The following LNX1 variants were observed in gnomAD, a reference collection of about 807,000 sequenced individuals.
LNX1 encodes ligand of numb-protein X 1, also known as E3 ubiquitin-protein ligase LNX.
A neutral mutation model predicts 68.4 loss-of-function variants in LNX1; 54 were observed. The observed-to-expected ratio is 0.79, with a 90% CI of 0.63 to 0.99. LNX1 has a LOEUF of 0.99. LNX1 is among the 50% of genes least tolerant of loss of function. The pLI is 0.00. For missense variants in LNX1, 906 were observed against 926.4 expected (o/e 0.98, Z 0.29); for synonymous variants, 336 against 350.0 (o/e 0.96, Z 0.45).
intron 4 of LNX1, among the ~76,000 whole-genome samples, chr4:53,502,539 T>G (rs1053101739): frequency 6.6e-6 from 1 of 152,228 alleles, no homozygotes; most frequent in Non-Finnish European, 1.5e-5. Context: ...CTTGCCTTGA[T>G]GTTGATGGCT....
At chr4:53,554,913 A>C (rs937301546) in intron 2 of LNX1, among the ~76,000 whole-genome samples, 19 of 152,060 alleles carry the variant, frequency 1.2e-4, no homozygotes, top group Admixed American at 9.8e-4. Context: ...AACCTGGGCC[A>C]CATGCCAAAT....
chr4:53,591,720 G>A, upstream of LNX1: 1 of 299,152 alleles, frequency 3.3e-6, no homozygotes, highest in South Asian at 1.3e-4. Context: ...TTTGCCAGGT[G>A]GAATTTACTT....
In LNX1 at chr4:53,609,772, T is replaced by TATATAATATACTATTATATATA. The variant is rs1560692907; in HGVS notation, c.-215+6744_-215+6745insTATATATAATAGTATATTATAT. ...TTATATATAATATACTATTATATATTATATATAATATATTATTTAAATATA... is the reference window on the plus strand; with the variant it reads ...TTATATATAATATACTATTATATATTATATAATATACTATTATATATAATATATAATATATTATTTAAATATA... On this transcript the variant is annotated intron_variant, in intron 2 of 3. Transcript: ENST00000504299. Among the ~76,000 whole-genome samples, 252 of 141,864 alleles carry TATATAATATACTATTATATATA rather than the reference T, an allele frequency of 1.8e-3. 2 individuals carry two copies. Among genetic ancestry groups the TATATAATATACTATTATATATA allele is most frequent in the Admixed American group, 0.011 (154 of 13,722 alleles). The allele number at this position is 141,864 out of a possible 152,430, so 93.1% of individuals were successfully genotyped here.
At chr4:53,599,163 C>T (rs1732884760) in intron 2 of LNX1, among the ~76,000 whole-genome samples, 1 of 152,112 alleles carries the variant, frequency 6.6e-6, no homozygotes, top group Non-Finnish European at 1.5e-5. Flanking sequence ...AAGGCTGAGA[C>T]CTATTGGGCT....
intron 1 of LNX1, among the ~76,000 whole-genome samples, chr4:53,649,472 T>C (rs1029873972): frequency 1.3e-5 from 2 of 152,198 alleles, no homozygotes; most frequent in Non-Finnish European, 2.9e-5. Context: ...ACTCCGGAAG[T>C]CTGGCTCCAG....
chr4:53,625,987 A>G (rs1467613333), intron 1 of LNX1, among the ~76,000 whole-genome samples: 2 of 152,172 alleles, frequency 1.3e-5, no homozygotes, highest in Non-Finnish European at 2.9e-5. Flanking sequence ...GAAATAGCCC[A>G]AATTTCCACC....
intron 2 of LNX1, among the ~76,000 whole-genome samples, chr4:53,539,688 G>T (rs1193048782): frequency 1.3e-5 from 2 of 152,216 alleles, no homozygotes; most frequent in Non-Finnish European, 2.9e-5. Flanking sequence ...TTTAATGCCT[G>T]CTCTGATCTT....
At chr4:53,529,142 T>C (rs7682908) in intron 2 of LNX1, among the ~76,000 whole-genome samples, 369 of 63,370 alleles carry the variant, frequency 5.8e-3, no homozygotes, top group Non-Finnish European at 0.012. Context: ...CACAAACACA[T>C]GCACACACAG....
chr4:53,536,750 C>T (rs545084196), intron 2 of LNX1, among the ~76,000 whole-genome samples: 2 of 152,274 alleles, frequency 1.3e-5, no homozygotes, highest in East Asian at 3.9e-4. Flanking sequence ...CAAACCACTC[C>T]TTTGTTTTTC....
At chr4:53,558,232 G>C (rs556348289) in intron 2 of LNX1, 249 of 1,248,812 alleles carry the variant, frequency 2.0e-4, no homozygotes, top group Middle Eastern at 9.9e-4. Context: ...CAGGCAAGCT[G>C]ATGCCCAGGA....
intron 2 of LNX1, among the ~76,000 whole-genome samples, chr4:53,509,649 T>G (rs888085012): frequency 1.3e-5 from 2 of 152,198 alleles, no homozygotes; most frequent in African/African-American, 4.8e-5. Flanking sequence ...AGAATGCAAA[T>G]TCATTAAAGT....
rs577337737 is a variant in LNX1 at position 53,459,792 on chromosome 4, T to TAATC, written c.*1111_*1114dup. 1.9e-4 allele frequency: 61 copies of TAATC among 318,392 alleles called. No homozygotes were observed. The highest frequency in any genetic ancestry group is 9.5e-4 in the Middle Eastern group (1 of 1,056). The allele number at this position is 318,392 out of a possible 1,614,324, so 19.7% of individuals were successfully genotyped here. A position where few individuals can be genotyped will look rare whatever the true frequency, so the allele number is the denominator to read the frequency against. On this transcript the variant is annotated 3_prime_UTR_variant, in exon 11 of 11. Transcript: ENST00000263925. ...TCCACTTGGGCCACAGTTTTTTTGTTAATCAAACACCACTCTCTTAAGAGG... is the reference window on the plus strand; with the variant it reads ...TCCACTTGGGCCACAGTTTTTTTGTTAATCAATCAAACACCACTCTCTTAAGAGG...
chr4:53,476,355 C>T (rs1723560789), intron 9 of LNX1, among the ~76,000 whole-genome samples: 1 of 152,170 alleles, frequency 6.6e-6, no homozygotes, highest in Admixed American at 6.5e-5. Context: ...GATCCCAGGG[C>T]TGCCACTAGC....
At chr4:53,513,531 C>A (rs1264573912) in intron 2 of LNX1, among the ~76,000 whole-genome samples, 1 of 152,168 alleles carries the variant, frequency 6.6e-6, no homozygotes, top group Non-Finnish European at 1.5e-5. Flanking sequence ...ACACTTTCAT[C>A]CTCCCTGCCA....
At chr4:53,469,511 A>T (rs1335362893) in intron 9 of LNX1, among the ~76,000 whole-genome samples, 3 of 152,198 alleles carry the variant, frequency 2.0e-5, no homozygotes. Context: ...TGAAGAAAAT[A>T]GAGACACAAA....
intron 2 of LNX1, among the ~76,000 whole-genome samples, chr4:53,535,954 T>A (rs1269037197): frequency 3.3e-5 from 5 of 152,152 alleles, no homozygotes; most frequent in Admixed American, 6.5e-5. Flanking sequence ...GGATTGGACT[T>A]AGTCAAGGTC....
chr4:53,511,808 C>T (rs2117598), intron 2 of LNX1, among the ~76,000 whole-genome samples: 2 of 152,120 alleles, frequency 1.3e-5, no homozygotes, highest in Non-Finnish European at 2.9e-5. Context: ...ATAGGGTATC[C>T]TCTGCAAAGG....
At chr4:53,563,525 T>C (rs892028175) in intron 2 of LNX1, among the ~76,000 whole-genome samples, 1 of 151,272 alleles carries the variant, frequency 6.6e-6, no homozygotes, top group African/African-American at 2.4e-5. Context: ...GGTTCTAGGT[T>C]AGCTTCAAAT....
At chr4:53,552,933 G>A (rs998259746) in intron 2 of LNX1, among the ~76,000 whole-genome samples, 10 of 152,054 alleles carry the variant, frequency 6.6e-5, no homozygotes, top group African/African-American at 2.4e-4. Context: ...GTACAGTGCT[G>A]CATCCTGAAA....
Sources: allele counts gnomAD v4.1 joint callset (sites outside exome capture counted in the v4.1 genomes callset), GRCh38; gene constraint gnomAD v4.1.1; transcripts MANE v1.5; gene names NCBI Gene and HGNC (gene_info 2026-07-23, HGNC 2026-07-21).